Variants in MAP3K4 observed in about 807,000 individuals in gnomAD.
The protein encoded by MAP3K4 is MAP three kinase 1.
Under a neutral mutation model 185.6 loss-of-function variants are expected in MAP3K4, and 67 were observed. That is an observed-to-expected ratio of 0.36 (90% CI 0.30 to 0.44). MAP3K4 has a LOEUF of 0.44. MAP3K4 is among the 20% of genes least tolerant of loss of function. The pLI is 1.00. For missense variants in MAP3K4, 1,551 were observed against 1,995.1 expected, an observed-to-expected ratio of 0.78 and a Z score of 4.24; for synonymous variants, 702 against 710.4, an observed-to-expected ratio of 0.99 and a Z score of 0.19.
chr6:160,999,651 G>A (rs1445770896), intron 1 of MAP3K4, among the ~76,000 whole-genome samples: 2 of 152,166 alleles, frequency 1.3e-5, no homozygotes, highest in Non-Finnish European at 1.5e-5. Context: ...TGACAGCTTA[G>A]GCTCCAGATC....
In MAP3K4 at chr6:161,093,737, T is replaced by A. The variant is rs753238115; in HGVS notation, c.3349-36T>A. 3.1e-6 allele frequency: 4 copies of A among 1,309,192 alleles called. No individual in the cohort carries two copies. Among genetic ancestry groups the A allele is most frequent in the Non-Finnish European group, 4.4e-6 (4 of 913,162 alleles). The allele number at this position is 1,309,192 out of a possible 1,614,324, so 81.1% of individuals were successfully genotyped here. ...ACATAATTAAGAAAGTATGCATGTT[T>A]TCTCTTTACCTTTCCCATTTTCTTT... is the stretch of plus-strand genomic sequence containing the variant. On this transcript the variant is annotated intron_variant, in intron 14 of 26. Coordinates refer to ENST00000392142, the MANE Select transcript of MAP3K4 (RefSeq NM_005922.4). The surrounding 1 kb of genome is among the most constrained non-coding windows in gnomAD (Gnocchi z 5.2).
At position 161,061,760 on chromosome 6, in the gene MAP3K4, G is replaced by A. The variant is rs757993729; in HGVS notation, c.1708-8848G>A. ...CTTTCATTTGCATAATGTTTTCAAG[G>A]TTCATCCTTGCTGTGGTATGTATTG... is the stretch of plus-strand genomic sequence containing the variant. On this transcript the variant is annotated intron_variant, in intron 3 of 26. Coordinates refer to ENST00000392142, the MANE Select transcript of MAP3K4 (RefSeq NM_005922.4). The surrounding 1 kb of genome is among the most constrained non-coding windows in gnomAD (Gnocchi z 4.2). Among the ~76,000 whole-genome samples the A allele has an allele frequency of 5.9e-5, 9 of 152,304 alleles. No individual in the cohort carries two copies. Among genetic ancestry groups the A allele is most frequent in the Middle Eastern group, 3.4e-3 (1 of 294 alleles).
rs1472999481 is a variant in MAP3K4, at chr6:161,056,317, A to T, written c.1707+6338A>T. On this transcript the variant is annotated intron_variant, in intron 3 of 26. Coordinates refer to ENST00000392142, the MANE Select transcript of MAP3K4 (RefSeq NM_005922.4). The surrounding 1 kb of genome is among the most constrained non-coding windows in gnomAD (Gnocchi z 5.4). ...TGGATAATTGTATTTAGAAATGAAG[A>T]TGTGGGCACTGGGTGTGTTCGGTGC... 2.0e-5 allele frequency among the ~76,000 whole-genome samples: 3 copies of T among 152,132 alleles called. No individual in the cohort carries two copies. Among genetic ancestry groups the T allele is most frequent in the Admixed American group, 6.5e-5 (1 of 15,278 alleles).
intron 4 of MAP3K4, among the ~76,000 whole-genome samples, chr6:161,072,162 T>C (rs1784975359): frequency 6.6e-6 from 1 of 152,214 alleles, no homozygotes; most frequent in Non-Finnish European, 1.5e-5. Flanking sequence ...GAACACTTTT[T>C]GTTAGATTTA....
At position 161,112,544 on chromosome 6, in the gene MAP3K4, G is replaced by T. The variant is rs990138129; in HGVS notation, c.4520-124G>T. On this transcript the variant is annotated intron_variant, in intron 24 of 26. Transcript: ENST00000392142. This position sits in a 1 kb window ranked among gnomAD's most constrained non-coding sequence, Gnocchi z 5.1. ...TGACTTGAACTGTCTGTAAATTTTT[G>T]ATATTTCCCATTACCTAATGCAGGA... 1.5e-5 allele frequency: 9 copies of T among 587,814 alleles called. No homozygotes were observed. In the South Asian group the frequency reaches 2.0e-4, roughly 13 times the overall value. 36.4% of individuals were successfully genotyped at this position (587,814 alleles called of 1,614,324 possible).
At chr6:161,090,279 C>G (rs1156476557) in intron 11 of MAP3K4, among the ~76,000 whole-genome samples, 2 of 152,196 alleles carry the variant, frequency 1.3e-5, no homozygotes, top group Non-Finnish European at 1.5e-5. Flanking sequence ...CTTGTGTGCA[C>G]TCGTGTGTAA....
At chr6:161,072,884 G>A (rs986933392) in intron 4 of MAP3K4, among the ~76,000 whole-genome samples, 8 of 151,938 alleles carry the variant, frequency 5.3e-5, no homozygotes, top group Non-Finnish European at 8.8e-5. Flanking sequence ...TTGCAAATTT[G>A]CCCATTTTTT....
chr6:161,044,079 T>C (rs966221062), intron 2 of MAP3K4, among the ~76,000 whole-genome samples: 5 of 152,204 alleles, frequency 3.3e-5, no homozygotes, highest in African/African-American at 1.2e-4. Flanking sequence ...AGTTTTCTTT[T>C]AAAAAAATTT....
rs898665431 is a variant in MAP3K4, at chr6:161,008,657, T to C, written c.152+16574T>C. Among the ~76,000 whole-genome samples the C allele has an allele frequency of 2.0e-5, 3 of 152,200 alleles. No individual in the cohort carries two copies. The highest frequency in any genetic ancestry group is 4.4e-5 in the Non-Finnish European group (3 of 68,032). ...TTACATGTGTAGCTTGATAAATTGT[T>C]CAAAAGCAAATACAGTGTTATAAAG... On this transcript the variant is annotated intron_variant, in intron 1 of 26. Transcript: ENST00000392142. This position sits in a 1 kb window ranked among gnomAD's most constrained non-coding sequence, Gnocchi z 4.1.
intron 5 of MAP3K4, among the ~76,000 whole-genome samples, chr6:161,079,043 G>A (rs968148231): frequency 2.0e-4 from 30 of 151,878 alleles, no homozygotes; most frequent in African/African-American, 6.5e-4. Context: ...GCAAAACCCC[G>A]TCTCTACTAA....
Position 161,084,621 on chromosome 6 carries a change from G to T in MAP3K4, c.2372+4G>T. 1.3e-6 allele frequency: 2 copies of T among 1,520,138 alleles called. No homozygotes were observed. Among genetic ancestry groups the T allele is most frequent in the East Asian group, 4.5e-5 (2 of 44,410 alleles). 94.2% of individuals were successfully genotyped at this position (1,520,138 alleles called of 1,614,324 possible). On this transcript the variant is annotated splice_donor_region_variant and intron_variant, in intron 7 of 26. Transcript: ENST00000392142. This position sits in a 1 kb window ranked among gnomAD's most constrained non-coding sequence, Gnocchi z 4.6. ...GCAGTGCTTCCGACGAAATCAGGTT[G>T]GAGTTGTGCTTCCTTTCCCCTTCCA...
intron 1 of MAP3K4, among the ~76,000 whole-genome samples, chr6:160,999,193 C>CT (rs954004728): frequency 6.6e-6 from 1 of 152,162 alleles, no homozygotes; most frequent in Non-Finnish European, 1.5e-5. Flanking sequence ...TGTGAGCAGG[C>CT]TATTTGAAGA....
intron 6 of MAP3K4, 108 bp downstream of exon 6, chr6:161,081,146 G>A: frequency 8.0e-7 from 1 of 1,256,722 alleles, no homozygotes; most frequent in Non-Finnish European, 1.1e-6. Context: ...CATGAAAATT[G>A]CAGTTATCCA....
chr6:161,000,665 A>G (rs1336900959), intron 1 of MAP3K4, among the ~76,000 whole-genome samples: 4 of 152,082 alleles, frequency 2.6e-5, no homozygotes, highest in African/African-American at 9.7e-5. Flanking sequence ...TTAAGAAAAG[A>G]AAGGAACTCA....
chr6:161,029,680 G>T (rs1046537672), intron 1 of MAP3K4, among the ~76,000 whole-genome samples: 1 of 152,162 alleles, frequency 6.6e-6, no homozygotes, highest in Admixed American at 6.5e-5. Flanking sequence ...CAAATCATTG[G>T]TATACATGTA....
intron 1 of MAP3K4, among the ~76,000 whole-genome samples, chr6:161,029,765 T>TA (rs1782835426): frequency 6.6e-6 from 1 of 152,206 alleles, no homozygotes; most frequent in Non-Finnish European, 1.5e-5. Flanking sequence ...TTTGGATGCT[T>TA]ACGGTTAGTT....
Position 161,091,411 on chromosome 6 carries a change from C to T in MAP3K4, c.3006C>T (p.Ser1002=). Residue 1002 remains serine, a synonymous_variant, in exon 12 of 27, where the codon AGC becomes AGT. Coordinates refer to ENST00000392142, the MANE Select transcript of MAP3K4 (RefSeq NM_005922.4). The surrounding 1 kb of genome is among the most constrained non-coding windows in gnomAD (Gnocchi z 5.5). ...NDALELCNRI[S]NAIDRVDHMF... ...CATTGGAGCTATGCAACAGGATAAGCAATGCCATTGACCGCGTGGACCACA... is the reference window on the plus strand; with the variant it reads ...CATTGGAGCTATGCAACAGGATAAGTAATGCCATTGACCGCGTGGACCACA... 6.2e-7 allele frequency: 1 copy of T among 1,613,894 alleles called. No homozygotes were observed. The highest frequency in any genetic ancestry group is 8.5e-7 in the Non-Finnish European group (1 of 1,179,926).
In MAP3K4 at chr6:161,037,479, C is replaced by T. The variant is rs758865482; in HGVS notation, c.343+3030C>T. 2.0e-5 allele frequency among the ~76,000 whole-genome samples: 3 copies of T among 152,054 alleles called. No individual in the cohort carries two copies. The highest frequency in any genetic ancestry group is 1.9e-4 in the East Asian group (1 of 5,176). Reference sequence around the variant, plus strand: ...TGTTGCCCAGGCTGGAGTGCAGTGGCGCGATCTCAGCTCACTGCAACCTCC... The same window carrying T: ...TGTTGCCCAGGCTGGAGTGCAGTGGTGCGATCTCAGCTCACTGCAACCTCC... On this transcript the variant is annotated intron_variant, in intron 2 of 26. Coordinates refer to ENST00000392142, the MANE Select transcript of MAP3K4 (RefSeq NM_005922.4). This position sits in a 1 kb window ranked among gnomAD's most constrained non-coding sequence, Gnocchi z 4.2.
chr6:161,040,245 G>A (rs1783389125), intron 2 of MAP3K4, among the ~76,000 whole-genome samples: 1 of 152,132 alleles, frequency 6.6e-6, no homozygotes, highest in Admixed American at 6.5e-5. Flanking sequence ...GTGGTTGAAT[G>A]CATAAGGCCA....
Sources: allele counts gnomAD v4.1 joint callset (sites outside exome capture counted in the v4.1 genomes callset), GRCh38; gene constraint gnomAD v4.1.1; non-coding constraint Gnocchi (gnomAD v3.1); transcripts MANE v1.5; gene names NCBI Gene and HGNC (gene_info 2026-07-23, HGNC 2026-07-21).